The following ACOT7 variants were observed in gnomAD, a reference collection of about 807,000 sequenced individuals.
ACOT7 encodes the protein acyl-CoA thioesterase 7.
Under a neutral mutation model 40.2 loss-of-function variants are expected in ACOT7, and 12 were observed. That is an observed-to-expected ratio of 0.30 (90% CI 0.19 to 0.48). The LOEUF is 0.48. Ranked by LOEUF, ACOT7 falls within the 20% of genes least tolerant of loss-of-function variation. The pLI is 0.99. For synonymous variants in ACOT7, 228 were observed against 219.5 expected, an observed-to-expected ratio of 1.04 and a Z score of -0.34; for missense variants, 395 against 530.8, an observed-to-expected ratio of 0.74 and a Z score of 2.51.
intron 6 of ACOT7, among the ~76,000 whole-genome samples, chr1:6,317,175 C>T (rs749602225): frequency 6.6e-6 from 1 of 152,220 alleles, no homozygotes; most frequent in Non-Finnish European, 1.5e-5. Context: ...ATTAACCACA[C>T]AGCACCTTCA....
intron 2 of ACOT7, among the ~76,000 whole-genome samples, chr1:6,340,923 C>A (rs1641259172): frequency 1.3e-5 from 2 of 151,792 alleles, no homozygotes; most frequent in African/African-American, 4.8e-5. Context: ...GTAATCCCAG[C>A]TACTCAGGAG....
At chr1:6,304,355 A>G (rs1006773179) in intron 6 of ACOT7, among the ~76,000 whole-genome samples, 62 of 137,870 alleles carry the variant, frequency 4.5e-4, no homozygotes, top group African/African-American at 1.2e-3. Flanking sequence ...AAAGAAAAAC[A>G]CCCCCATCCG....
intron 5 of ACOT7, among the ~76,000 whole-genome samples, chr1:6,326,515 C>G (rs1032037257): frequency 6.6e-6 from 1 of 152,258 alleles, no homozygotes; most frequent in African/African-American, 2.4e-5. Context: ...GAGCCCAGTG[C>G]CTACTGGCAG....
intron 6 of ACOT7, among the ~76,000 whole-genome samples, chr1:6,307,108 C>T (rs1300955480): frequency 6.6e-6 from 1 of 152,202 alleles, no homozygotes; most frequent in Non-Finnish European, 1.5e-5. Context: ...GGATGTTTGT[C>T]GCAGAAGGTT....
intron 6 of ACOT7, among the ~76,000 whole-genome samples, chr1:6,296,454 C>T (rs1419790454): frequency 1.3e-5 from 2 of 149,574 alleles, no homozygotes; most frequent in African/African-American, 2.5e-5. Flanking sequence ...GACGGAGTCT[C>T]GCACTGTCGC....
At chr1:6,364,032 C>G (rs2148468469) in intron 1 of ACOT7, among the ~76,000 whole-genome samples, 1 of 152,140 alleles carries the variant, frequency 6.6e-6, no homozygotes, top group South Asian at 2.1e-4. Context: ...AGATTGAATT[C>G]CAGCCTGGAT....
chr1:6,360,476 G>C, intron 1 of ACOT7: 1 of 1,517,332 alleles, frequency 6.6e-7, no homozygotes, highest in Non-Finnish European at 9.1e-7. Flanking sequence ...AAGCCACAGC[G>C]TCTCCCACCC....
chr1:6,322,600 A>G (rs1045380769), intron 5 of ACOT7, among the ~76,000 whole-genome samples: 6 of 152,186 alleles, frequency 3.9e-5, no homozygotes, highest in Admixed American at 3.9e-4. Flanking sequence ...GGGCTTGTAG[A>G]TGCCGCCTTC....
intron 1 of ACOT7, among the ~76,000 whole-genome samples, chr1:6,365,964 G>A (rs1642001831): frequency 6.6e-6 from 1 of 150,570 alleles, no homozygotes; most frequent in African/African-American, 2.4e-5. Flanking sequence ...GCACGATCTT[G>A]GCTCACTGCA....
chr1:6,385,742 G>A, intron 1 of ACOT7: 1 of 1,527,354 alleles, frequency 6.5e-7, no homozygotes, highest in Non-Finnish European at 8.8e-7. Flanking sequence ...TGTCTGCCTG[G>A]CCGGCTCAGC....
rs1165073997 is a variant in ACOT7 at position 6,294,291 on chromosome 1, G to A, written c.829+573C>T. On this transcript the variant is annotated intron_variant, in intron 7 of 8. Transcript: ENST00000361521. The surrounding 1 kb of genome is among the most constrained non-coding windows in gnomAD (Gnocchi z 4.6). Reference sequence around the variant, plus strand: ...ATGGTGACCTCTGCTCATACAAACTGCAGAGGCCTGGCCTGTCAAGCTGGC... The same window carrying A: ...ATGGTGACCTCTGCTCATACAAACTACAGAGGCCTGGCCTGTCAAGCTGGC... 6.6e-6 allele frequency among the ~76,000 whole-genome samples: 1 copy of A among 152,254 alleles called. No homozygotes were observed. Among genetic ancestry groups the A allele is most frequent in the Non-Finnish European group, 1.5e-5 (1 of 68,052 alleles).
At position 6,282,846 on chromosome 1, in the gene ACOT7, C is replaced by T. The variant is rs1362823713; in HGVS notation, c.830-1560G>A. On this transcript the variant is annotated intron_variant, in intron 7 of 8. Coordinates refer to ENST00000361521, the MANE Select transcript of ACOT7 (RefSeq NM_007274.4). This position sits in a 1 kb window ranked among gnomAD's most constrained non-coding sequence, Gnocchi z 4.5. Reference sequence around the variant, plus strand: ...AAGCGCCCGCAGTCACAAGACGCACCCCGGGAGGAGGGCAGGCCATGGGTC... The same window carrying T: ...AAGCGCCCGCAGTCACAAGACGCACTCCGGGAGGAGGGCAGGCCATGGGTC... 7.9e-7 allele frequency: 1 copy of T among 1,271,936 alleles called. No homozygotes were observed. Among genetic ancestry groups the T allele is most frequent in the Admixed American group, 2.3e-5 (1 of 43,504 alleles). The allele number at this position is 1,271,936 out of a possible 1,614,324, so 78.8% of individuals were successfully genotyped here. A position where few individuals can be genotyped will look rare whatever the true frequency, so the allele number is the denominator to read the frequency against.
chr1:6,312,675 C>T (rs1406593184), intron 6 of ACOT7, among the ~76,000 whole-genome samples: 10 of 152,166 alleles, frequency 6.6e-5, no homozygotes, highest in African/African-American at 2.2e-4. Flanking sequence ...ACCATGTTGG[C>T]CAGGCTGGTC....
chr1:6,385,884 A>T, intron 1 of ACOT7: 1 of 1,334,658 alleles, frequency 7.5e-7, no homozygotes. Context: ...TGTTCTCTAC[A>T]AAAGACCAGT....
chr1:6,270,431 C>T (rs1295929217), intron 8 of ACOT7, among the ~76,000 whole-genome samples: 1 of 152,170 alleles, frequency 6.6e-6, no homozygotes, highest in Non-Finnish European at 1.5e-5. Context: ...AGCTGCCGGG[C>T]ACCCACCTGT....
rs558697878 is a variant in ACOT7 at position 6,288,532 on chromosome 1, C to T, written c.829+6332G>A. 3.5e-4 allele frequency among the ~76,000 whole-genome samples: 54 copies of T among 152,286 alleles called. No homozygotes were observed. The highest frequency in any genetic ancestry group is 1.2e-3 in the African/African-American group (50 of 41,558). On this transcript the variant is annotated intron_variant, in intron 7 of 8. Transcript: ENST00000361521. This position sits in a 1 kb window ranked among gnomAD's most constrained non-coding sequence, Gnocchi z 4.3. ...GAATGTGGCATGTCACGGGGAGCCACGGAGGCTGTGAGCAGAGGAATAGCA... is the reference window on the plus strand; with the variant it reads ...GAATGTGGCATGTCACGGGGAGCCATGGAGGCTGTGAGCAGAGGAATAGCA...
At position 6,338,603 on chromosome 1, in the gene ACOT7, C is replaced by T. The variant is rs1229494449; in HGVS notation, c.418+830G>A. Among the ~76,000 whole-genome samples, 2 of 152,212 alleles carry T rather than the reference C, an allele frequency of 1.3e-5. No individual in the cohort carries two copies. Among genetic ancestry groups the T allele is most frequent in the Non-Finnish European group, 2.9e-5 (2 of 68,044 alleles). On this transcript the variant is annotated intron_variant, in intron 3 of 8. Transcript: ENST00000361521. This position sits in a 1 kb window ranked among gnomAD's most constrained non-coding sequence, Gnocchi z 4.4. ...CCTCAGAATGTTCTAGATGCATAAT[C>T]GTGCTTGCTACCGGCCCGTCATGAG...
chr1:6,370,636 T>C lies in ACOT7; in HGVS notation c.144-20770A>G, dbSNP rs1420048160. The stretch of plus-strand genomic sequence containing the variant: ...TCCCAAGTAGCTGGGATTACAGGCA[T>C]GCACCACCATGCCCAACTAATTTTT... On this transcript the variant is annotated intron_variant, in intron 1 of 8. Transcript: ENST00000361521. Among the ~76,000 whole-genome samples the C allele has an allele frequency of 1.3e-4, 19 of 147,838 alleles. No homozygotes were observed. The Admixed American group carries it at 1.3e-3, about 10-fold the overall frequency.
intron 2 of ACOT7, among the ~76,000 whole-genome samples, chr1:6,344,838 T>G (rs1557660744): frequency 6.6e-6 from 1 of 151,346 alleles, no homozygotes; most frequent in Non-Finnish European, 1.5e-5. Flanking sequence ...CACAGGAGTC[T>G]TGCCACGGTC....
Sources: gnomAD v4.1 joint callset for allele counts (sites outside exome capture counted in the v4.1 genomes callset) on GRCh38, gnomAD v4.1.1 for gene constraint, Gnocchi (gnomAD v3.1) non-coding constraint, MANE v1.5 for transcripts, NCBI Gene and HGNC (gene_info 2026-07-23, HGNC 2026-07-21) for gene names.